Variants in DMD observed in about 807,000 individuals in gnomAD.
DMD encodes the protein mutant dystrophin.
In DMD, 63 loss-of-function variants were observed where a neutral mutation model predicts 330.1. The ratio of observed to expected loss-of-function variants is 0.19; its 90% confidence interval spans 0.16 to 0.24. The LOEUF (loss-of-function observed/expected upper bound fraction) is 0.24. Ranked by LOEUF, DMD falls within the 10% of genes least tolerant of loss-of-function variation. The pLI is 1.00. For synonymous variants in DMD, 1,223 were observed against 959.8 expected (o/e 1.27, Z -5.07); for missense variants, 3,344 against 2,684.1 (o/e 1.25, Z -5.43).
At chrX:31,515,817 A>G (rs1401345589) in intron 55 of DMD, among the ~76,000 whole-genome samples, 1 of 112,397 alleles carries the variant, frequency 8.9e-6, no homozygotes, top group Admixed American at 9.4e-5. Context: ...ATGATGCTGA[A>G]TTAGCCAGGG....
chrX:31,304,256 A>C (rs965353739), intron 62 of DMD, among the ~76,000 whole-genome samples: 3 of 111,816 alleles, frequency 2.7e-5, no homozygotes, highest in African/African-American at 9.7e-5. Context: ...ACACCCTTGG[A>C]AACTATGCTT....
At position 33,255,739 on chromosome X, in the gene DMD, A is replaced by G. The variant is rs764216071; in HGVS notation, c.7+83520T>C. Reference sequence around the variant, plus strand: ...CTTTTTCTGTGTCCTGCCTTTCAGTATTTTTCCTTTAATTGAATCATTTAT... The same window carrying G: ...CTTTTTCTGTGTCCTGCCTTTCAGTGTTTTTCCTTTAATTGAATCATTTAT... On this transcript the variant is annotated intron_variant, in intron 1 of 17. Coordinates refer to the DMD transcript ENST00000288447. Among the ~76,000 whole-genome samples, 20 of 111,131 alleles carry G rather than the reference A, an allele frequency of 1.8e-4. No individual in the cohort carries two copies. In the South Asian group the frequency reaches 5.5e-3, roughly 31 times the overall value.
At chrX:32,873,872 C>T (rs944660016) in intron 2 of DMD, among the ~76,000 whole-genome samples, 2 of 112,104 alleles carry the variant, frequency 1.8e-5, no homozygotes, top group Non-Finnish European at 3.8e-5. Context: ...GGGACAAGAC[C>T]AAGAACAGGA....
intron 50 of DMD, among the ~76,000 whole-genome samples, chrX:31,792,586 C>T (rs1479160345): frequency 8.9e-6 from 1 of 112,232 alleles, no homozygotes; most frequent in Non-Finnish European, 1.9e-5. Flanking sequence ...AGGGTTTATA[C>T]CTACTTAGTA....
chrX:32,442,334 C>T (rs1346664118), intron 27 of DMD, among the ~76,000 whole-genome samples: 3 of 109,838 alleles, frequency 2.7e-5, no homozygotes, highest in Non-Finnish European at 5.7e-5. Flanking sequence ...GATGAATAAC[C>T]CAATCGATAA....
intron 44 of DMD, among the ~76,000 whole-genome samples, chrX:32,167,795 T>A (rs1193549067): frequency 1.8e-5 from 2 of 111,876 alleles, no homozygotes; most frequent in Non-Finnish European, 1.9e-5. Context: ...TTCCTCCCAT[T>A]ACCTTCTAAT....
chrX:31,163,626 C>T (rs1438527942), intron 74 of DMD, among the ~76,000 whole-genome samples: 4 of 111,483 alleles, frequency 3.6e-5, no homozygotes, highest in African/African-American at 1.3e-4. Context: ...TTCCATTATG[C>T]TTCTTTCCTC....
chrX:32,750,440 C>A (rs2070661315), intron 7 of DMD, among the ~76,000 whole-genome samples: 1 of 111,647 alleles, frequency 9.0e-6, no homozygotes, highest in Non-Finnish European at 1.9e-5. Context: ...AAATATCTAT[C>A]AGGTATGAAT....
At chrX:32,196,093 T>A (rs977533642) in intron 44 of DMD, among the ~76,000 whole-genome samples, 1 of 112,389 alleles carries the variant, frequency 8.9e-6, no homozygotes, top group Admixed American at 9.4e-5. Context: ...ATCATCAGGT[T>A]ACTTGTCAGG....
intron 43 of DMD, among the ~76,000 whole-genome samples, chrX:32,282,501 T>G: frequency 8.9e-6 from 1 of 112,192 alleles, no homozygotes; most frequent in Non-Finnish European, 1.9e-5. Flanking sequence ...TTGACTGTGT[T>G]GACTGTTAGT....
chrX:31,875,961 A>G (rs1380645871), intron 47 of DMD, among the ~76,000 whole-genome samples: 1 of 112,637 alleles, frequency 8.9e-6, no homozygotes, highest in East Asian at 2.8e-4. Flanking sequence ...TTGTAAAAGG[A>G]AGTCCCTTCA....
intron 1 of DMD, among the ~76,000 whole-genome samples, chrX:33,062,904 T>C (rs1366926514): frequency 8.9e-6 from 1 of 112,298 alleles, no homozygotes; most frequent in African/African-American, 3.2e-5. Context: ...GACATATCTC[T>C]ACTAACAAGC....
chrX:31,496,845 C>T lies in DMD; in HGVS notation c.8490G>A (p.Arg2830=). 2 of 1,211,871 alleles carry T rather than the reference C, an allele frequency of 1.7e-6. No homozygotes were observed. Among genetic ancestry groups the T allele is most frequent in the East Asian group, 3.0e-5 (1 of 33,846 alleles). Residue 2830 remains arginine, a synonymous_variant, in exon 57 of 79, where the codon CGG becomes CGA. Transcript: ENST00000357033. ...WLQLKDDELS[R]QAPIGGDFPA... is the part of the protein sequence containing the mutation. ...GAAAGTCGCCTCCAATAGGTGCCTG[C>T]CGGCTTAATTCATCATCTTTCAGCT...
At chrX:32,699,022 A>G in intron 8 of DMD, 90 bp downstream of exon 8, 4 of 787,140 alleles carry the variant, frequency 5.1e-6, no homozygotes, top group East Asian at 3.3e-5. Context: ...GTATATACAT[A>G]TAAGTTATAT....
At chrX:32,403,470 A>ATCAAATAATATGAAAT (rs1377950386) in intron 30 of DMD, among the ~76,000 whole-genome samples, 1 of 111,895 alleles carries the variant, frequency 8.9e-6, no homozygotes, top group African/African-American at 3.2e-5. Context: ...TAAAATGTAC[A>ATCAAATAATATGAAAT]CATCAAAATA....
At chrX:33,004,868 C>G (rs1157943384) in intron 2 of DMD, among the ~76,000 whole-genome samples, 1 of 111,033 alleles carries the variant, frequency 9.0e-6, no homozygotes, top group African/African-American at 3.3e-5. Context: ...GCTGTTGTTG[C>G]TATTGTTGCA....
chrX:32,890,563 T>A (rs1345894594), intron 2 of DMD, among the ~76,000 whole-genome samples: 2 of 110,438 alleles, frequency 1.8e-5, no homozygotes, highest in Admixed American at 1.9e-4. Flanking sequence ...CCTATCCAAC[T>A]CCAAAAGAAA....
At chrX:32,048,500 T>C (rs1261348622) in intron 44 of DMD, among the ~76,000 whole-genome samples, 2 of 109,893 alleles carry the variant, frequency 1.8e-5, no homozygotes, top group African/African-American at 6.6e-5. Context: ...CTTTAGATAG[T>C]AGCATGTTTC....
Position 31,284,864 on chromosome X carries a change from C to CA in DMD, c.9225-23849_9225-23848insT, listed in dbSNP as rs1569517175. Among the ~76,000 whole-genome samples, 479 of 84,595 alleles carry CA rather than the reference C, an allele frequency of 5.7e-3. 2 individuals carry two copies. The highest frequency in any genetic ancestry group is 9.7e-3 in the Non-Finnish European group (398 of 41,089). The allele number at this position is 84,595 out of a possible 115,157, so 73.5% of individuals were successfully genotyped here. On this transcript the variant is annotated intron_variant, in intron 62 of 78. Coordinates refer to ENST00000357033, the MANE Select transcript of DMD (RefSeq NM_004006.3). ...CACACACACACACACACACACACACCCACACCCACACACGCAAAGTATGTA... is the reference window on the plus strand; with the variant it reads ...CACACACACACACACACACACACACCACACACCCACACACGCAAAGTATGTA...
Sources: gnomAD v4.1 joint callset for allele counts (sites outside exome capture counted in the v4.1 genomes callset) on GRCh38, gnomAD v4.1.1 for gene constraint, MANE v1.5 for transcripts, NCBI Gene and HGNC (gene_info 2026-07-23, HGNC 2026-07-21) for gene names.